The following ADIPOQ variants were observed in gnomAD, a reference collection of about 807,000 sequenced individuals.
The protein encoded by ADIPOQ is adiponectin.
Under a neutral mutation model 16.1 loss-of-function variants are expected in ADIPOQ, and 19 were observed. The ratio of observed to expected loss-of-function variants is 1.18; its 90% confidence interval spans 0.82 to 1.73. The LOEUF is 1.73. Ranked by LOEUF, ADIPOQ falls within the 40% of genes most tolerant of loss-of-function variation. The pLI, the probability that ADIPOQ is intolerant of heterozygous loss-of-function variation, is 0.00. For synonymous variants in ADIPOQ, 124 were observed against 125.5 expected, an observed-to-expected ratio of 0.99 and a Z score of 0.08; for missense variants, 323 against 308.3, an observed-to-expected ratio of 1.05 and a Z score of -0.36.
rs1712070663 is a variant in ADIPOQ at position 186,857,938 on chromosome 3, TC to T, written c.*3235del. The T allele has an allele frequency of 1.3e-5, 2 of 151,742 alleles. No homozygotes were observed. Among genetic ancestry groups the T allele is most frequent in the Admixed American group, 1.3e-4 (2 of 15,196 alleles). 9.4% of individuals were successfully genotyped at this position (151,742 alleles called of 1,614,324 possible). On this transcript the variant is annotated 3_prime_UTR_variant, in exon 3 of 3. Coordinates refer to ENST00000320741, the MANE Select transcript of ADIPOQ (RefSeq NM_004797.4). ...CTTTCTTCCTTCCTTTCTTTCTCTC[TC>T]TCTCTCTTTCCTTCCTTCCTTCCTC...
chr3:186,843,449 C>T (rs996099519), intron 1 of ADIPOQ, among the ~76,000 whole-genome samples: 10 of 152,024 alleles, frequency 6.6e-5, no homozygotes, highest in African/African-American at 2.4e-4. Flanking sequence ...CACCTGAGGT[C>T]AGGAGTTCCA....
chr3:186,846,658 G>A (rs1711589357), intron 1 of ADIPOQ, among the ~76,000 whole-genome samples: 1 of 152,146 alleles, frequency 6.6e-6, no homozygotes, highest in African/African-American at 2.4e-5. Context: ...CATTTCACAG[G>A]ATTCTGCTGT....
At chr3:186,844,266 G>A (rs1420867919) in intron 1 of ADIPOQ, among the ~76,000 whole-genome samples, 1 of 152,052 alleles carries the variant, frequency 6.6e-6, no homozygotes, top group Non-Finnish European at 1.5e-5. Context: ...TCCTGCCTCA[G>A]TCTCCCAAGT....
rs1458349369 is a variant in ADIPOQ at position 186,844,296 on chromosome 3, C to T, written c.-9+1547C>T. On this transcript the variant is annotated intron_variant, in intron 1 of 2. Coordinates refer to ENST00000320741, the MANE Select transcript of ADIPOQ (RefSeq NM_004797.4). ...CCAAGTAGCTGAGACTACAGGCATG[C>T]GCCACCACGCCCAGCTAATTTTTAT... 6.6e-5 allele frequency among the ~76,000 whole-genome samples: 10 copies of T among 152,010 alleles called. No individual in the cohort carries two copies. In the South Asian group the frequency reaches 1.0e-3, roughly 16 times the overall value.
At chr3:186,849,132 G>A (rs1711667218) in intron 1 of ADIPOQ, among the ~76,000 whole-genome samples, 1 of 152,172 alleles carries the variant, frequency 6.6e-6, no homozygotes, top group Non-Finnish European at 1.5e-5. Context: ...CCCTGAGTTT[G>A]CCCTCTCTCC....
chr3:186,854,028 G>T (rs1711884920), intron 2 of ADIPOQ, 156 bp from the exon 3 acceptor site: 5 of 718,886 alleles, frequency 7.0e-6, no homozygotes, highest in Non-Finnish European at 1.1e-5. Flanking sequence ...AGAAGGAGGA[G>T]GTAACACCTC....
Position 186,854,360 on chromosome 3 carries a change from C to G in ADIPOQ, c.391C>G (p.Arg131Gly). 1 of 1,614,180 alleles carries G rather than the reference C, an allele frequency of 6.2e-7. No homozygotes were observed. Among genetic ancestry groups the G allele is most frequent in the Non-Finnish European group, 8.5e-7 (1 of 1,180,024 alleles). The change falls in exon 3 of 3, where the codon CGC (arginine) becomes GGC (glycine). Residue 131 changes from arginine (R) to glycine (G), a missense_variant. Coordinates refer to ENST00000320741, the MANE Select transcript of ADIPOQ (RefSeq NM_004797.4). ...CGTTACTATCCCCAACATGCCCATT[C>G]GCTTTACCAAGATCTTCTACAATCA... Reference protein sequence around the residue: ...TYVTIPNMPIRFTKIFYNQQN... With the variant: ...TYVTIPNMPIGFTKIFYNQQN...
At chr3:186,843,739 C>T (rs1167658189) in intron 1 of ADIPOQ, among the ~76,000 whole-genome samples, 6 of 150,922 alleles carry the variant, frequency 4.0e-5, no homozygotes, top group African/African-American at 1.5e-4. Flanking sequence ...ATAGTGGCAA[C>T]TTATGAAAAA....
intron 1 of ADIPOQ, among the ~76,000 whole-genome samples, chr3:186,849,453 C>T (rs2108489461): frequency 6.6e-6 from 1 of 152,290 alleles, no homozygotes; most frequent in African/African-American, 2.4e-5. Flanking sequence ...TGTAGCTCAC[C>T]TCTTTTTTCT....
intron 1 of ADIPOQ, among the ~76,000 whole-genome samples, chr3:186,848,508 C>T (rs1042651824): frequency 1.3e-5 from 2 of 152,142 alleles, no homozygotes; most frequent in African/African-American, 4.8e-5. Flanking sequence ...ACGGTGCCTC[C>T]GAAAGCATGA....
At chr3:186,844,145 C>T (rs989648026) in intron 1 of ADIPOQ, among the ~76,000 whole-genome samples, 12 of 152,080 alleles carry the variant, frequency 7.9e-5, no homozygotes, top group Non-Finnish European at 1.5e-4. Flanking sequence ...ACAGGGAGCC[C>T]GGCAGCTTCC....
In ADIPOQ at chr3:186,854,303, C is replaced by G. The variant is rs121917815; in HGVS notation, c.334C>G (p.Arg112Gly). The change falls in exon 3 of 3, where the codon CGC becomes GGC. Residue 112 changes from arginine to glycine, a missense_variant. By Grantham distance (125) the Arg-to-Gly change is moderately radical (BLOSUM62 -2). Coordinates refer to ENST00000320741, the MANE Select transcript of ADIPOQ (RefSeq NM_004797.4). Reference sequence around the variant, plus strand: ...ACCTGGAGAAGGTGCCTATGTATACCGCTCAGCATTCAGTGTGGGATTGGA... The same window carrying G: ...ACCTGGAGAAGGTGCCTATGTATACGGCTCAGCATTCAGTGTGGGATTGGA... Reference protein sequence around the residue: ...GEPGEGAYVYRSAFSVGLETY... With the variant: ...GEPGEGAYVYGSAFSVGLETY... 3 of 1,614,188 alleles carry G rather than the reference C, an allele frequency of 1.9e-6. No homozygotes were observed. The highest frequency in any genetic ancestry group is 1.7e-5 in the Admixed American group (1 of 60,024).
chr3:186,854,066 C>G, intron 2 of ADIPOQ, 118 bp from the exon 3 acceptor site: 1 of 1,121,760 alleles, frequency 8.9e-7, no homozygotes, highest in Non-Finnish European at 1.3e-6. Flanking sequence ...TTATTGGTTT[C>G]TTGATCTATA....
chr3:186,854,469 A>T lies in ADIPOQ; in HGVS notation c.500A>T (p.Tyr167Phe), dbSNP rs771747515. The change falls in exon 3 of 3, where the codon TAT (tyrosine) becomes TTT (phenylalanine). Residue 167 changes from tyrosine (Y) to phenylalanine (F), a missense_variant. Tyr to Phe is a conservative substitution (Grantham distance 22). Coordinates refer to ENST00000320741, the MANE Select transcript of ADIPOQ (RefSeq NM_004797.4). ...LYYFAYHITV[Y>F]MKDVKVSLFK... ...TACTTTGCCTACCACATCACAGTCT[A>T]TATGAAGGATGTGAAGGTCAGCCTC... 6.2e-7 allele frequency: 1 copy of T among 1,614,156 alleles called. No homozygotes were observed. Among genetic ancestry groups the T allele is most frequent in the Non-Finnish European group, 8.5e-7 (1 of 1,179,942 alleles).
At chr3:186,849,582 T>C (rs1157181846) in intron 1 of ADIPOQ, among the ~76,000 whole-genome samples, 2 of 152,194 alleles carry the variant, frequency 1.3e-5, no homozygotes, top group Non-Finnish European at 2.9e-5. Flanking sequence ...TAAATGATGG[T>C]AGTGGGTCTT....
In ADIPOQ at chr3:186,853,213, C is replaced by T; in HGVS notation, c.155C>T (p.Ala52Val). 3.7e-6 allele frequency: 6 copies of T among 1,613,794 alleles called. No homozygotes were observed. Among genetic ancestry groups the T allele is most frequent in the Non-Finnish European group, 5.1e-6 (6 of 1,179,864 alleles). The stretch of plus-strand genomic sequence containing the variant: ...CCAGGGCATCCGGGCCATAATGGGG[C>T]CCCAGGCCGTGATGGCAGAGATGGC... The part of the protein sequence containing the change: ...GIPGHPGHNG[A>V]PGRDGRDGTP... The change falls in exon 2 of 3, where the codon GCC becomes GTC. Residue 52 changes from alanine (A) to valine (V), a missense_variant. Physicochemically the swap from Ala to Val is moderately conservative, Grantham distance 64 (BLOSUM62 0). Transcript: ENST00000320741.
chr3:186,854,150 T>A (rs201787874), intron 2 of ADIPOQ, 34 bp from the exon 3 acceptor site: 1 of 1,607,402 alleles, frequency 6.2e-7, no homozygotes, highest in East Asian at 2.2e-5. Context: ...GGAGTTCTGT[T>A]CTTTGTAGTC....
At chr3:186,852,925 GA>G (rs1711830775) in intron 1 of ADIPOQ, 125 bp from the exon 2 acceptor site, 9 of 962,350 alleles carry the variant, frequency 9.4e-6, no homozygotes, top group Admixed American at 2.6e-5. Context: ...TGGAAAAGTT[GA>G]ATACTTAGAA....
chr3:186,856,356 T>C lies in ADIPOQ; in HGVS notation c.*1652T>C, dbSNP rs1712002236. On this transcript the variant is annotated 3_prime_UTR_variant, in exon 3 of 3. Coordinates refer to ENST00000320741, the MANE Select transcript of ADIPOQ (RefSeq NM_004797.4). The stretch of plus-strand genomic sequence containing the variant: ...ATATATAAATTTAAAAAACTATCTT[T>C]TTGCTTACAGTTTTAAATTCTGAAC... 6.6e-6 allele frequency: 1 copy of C among 152,228 alleles called. No homozygotes were observed. Among genetic ancestry groups the C allele is most frequent in the African/African-American group, 2.4e-5 (1 of 41,450 alleles). The allele number at this position is 152,228 out of a possible 1,614,324, so 9.4% of individuals were successfully genotyped here. A position where few individuals can be genotyped will look rare whatever the true frequency, so the allele number is the denominator to read the frequency against.
Sources: gnomAD v4.1 joint callset for allele counts (sites outside exome capture counted in the v4.1 genomes callset) on GRCh38, gnomAD v4.1.1 for gene constraint, MANE v1.5 for transcripts, NCBI Gene and HGNC (gene_info 2026-07-23, HGNC 2026-07-21) for gene names.